Variants in SLC24A4 observed in about 807,000 individuals in gnomAD.
The protein encoded by SLC24A4 is solute carrier family 24 member 4.
SLC24A4 carries 53 observed loss-of-function variants against 79.0 expected under a neutral mutation model. The ratio of observed to expected loss-of-function variants is 0.67; its 90% CI spans 0.54 to 0.84. SLC24A4 has a LOEUF of 0.84. Among genes scored for constraint, SLC24A4 ranks in the 40% least tolerant of loss-of-function variants. The pLI is 0.00. For missense variants in SLC24A4, 731 were observed against 822.0 expected (o/e 0.89, Z 1.35); for synonymous variants, 323 against 323.8 (o/e 1.00, Z 0.03).
chr14:92,423,818 G>A (rs1194122898), intron 2 of SLC24A4, among the ~76,000 whole-genome samples: 1 of 152,198 alleles, frequency 6.6e-6, no homozygotes, highest in Non-Finnish European at 1.5e-5. Context: ...TGGAAGCAGG[G>A]CATTGTGTGC....
chr14:92,360,678 A>G (rs1212331566), intron 2 of SLC24A4, among the ~76,000 whole-genome samples: 1 of 152,348 alleles, frequency 6.6e-6, no homozygotes, highest in South Asian at 2.1e-4. Flanking sequence ...AAACATTTGT[A>G]TCAATTTACA....
At chr14:92,395,803 T>C (rs112948731) in intron 2 of SLC24A4, among the ~76,000 whole-genome samples, 32 of 152,122 alleles carry the variant, frequency 2.1e-4, no homozygotes, top group African/African-American at 7.5e-4. Context: ...ATGAGATGGT[T>C]ATGGTTTTCA....
At chr14:92,472,024 C>G (rs1427329991) in intron 12 of SLC24A4, among the ~76,000 whole-genome samples, 1 of 152,186 alleles carries the variant, frequency 6.6e-6, no homozygotes, top group Non-Finnish European at 1.5e-5. Context: ...GAGAAACTGC[C>G]CTTCCCAGGG....
chr14:92,407,447 T>TA (rs1890452402), intron 2 of SLC24A4, among the ~76,000 whole-genome samples: 1 of 152,228 alleles, frequency 6.6e-6, no homozygotes, highest in African/African-American at 2.4e-5. Flanking sequence ...TGATGCCAAT[T>TA]TTCTGTATTA....
At chr14:92,354,192 A>G (rs1595154379) in intron 2 of SLC24A4, among the ~76,000 whole-genome samples, 1 of 144,882 alleles carries the variant, frequency 6.9e-6, no homozygotes. Flanking sequence ...TTTGAGATGG[A>G]GTCTCACTCT....
Position 92,493,490 on chromosome 14 carries a change from C to T in SLC24A4, c.1731C>T (p.His577=). 2 of 1,614,230 alleles carry T rather than the reference C, an allele frequency of 1.2e-6. No individual in the cohort carries two copies. The highest frequency in any genetic ancestry group is 1.7e-6 in the Non-Finnish European group (2 of 1,180,032). The change falls in exon 17 of 17, where the codon CAC becomes CAT. Residue 577 remains histidine (H), a synonymous_variant. Coordinates refer to ENST00000532405, the MANE Select transcript of SLC24A4 (RefSeq NM_153646.4). ...GSVALTVLGI[H]LNKWRLDRKL... ...TGTCCTCCCAGGTCCTCGGCATCCA[C>T]CTAAACAAGTGGCGACTGGACCGGA...
At chr14:92,367,248 C>T (rs8012922) in intron 2 of SLC24A4, among the ~76,000 whole-genome samples, 129,726 of 152,184 alleles carry the variant, frequency 0.85, 59,135 homozygotes, top group East Asian at 1. Context: ...GGCTAGAGAC[C>T]GGGGCTTATG....
At chr14:92,372,234 C>T (rs1237617114) in intron 2 of SLC24A4, among the ~76,000 whole-genome samples, 3 of 152,194 alleles carry the variant, frequency 2.0e-5, no homozygotes, top group African/African-American at 7.2e-5. Flanking sequence ...TTTCTCCCAG[C>T]CCCTGGGACC....
intron 3 of SLC24A4, among the ~76,000 whole-genome samples, chr14:92,438,393 C>T (rs954519692): frequency 1.3e-5 from 2 of 152,088 alleles, no homozygotes; most frequent in African/African-American, 4.8e-5. Flanking sequence ...CACTTGAGTC[C>T]AGGAGTTCAA....
At chr14:92,439,291 C>A in intron 3 of SLC24A4, 44 bp from the exon 4 acceptor site, 1 of 1,547,630 alleles carries the variant, frequency 6.5e-7, no homozygotes, top group African/African-American at 1.4e-5. Flanking sequence ...GCAGCTGCAG[C>A]AGGGACCCTC....
At chr14:92,486,807 G>A (rs775155442) in intron 14 of SLC24A4, 27 bp downstream of exon 14, 3 of 1,544,050 alleles carry the variant, frequency 1.9e-6, no homozygotes, top group Non-Finnish European at 8.9e-7. Context: ...AGCCCTCATA[G>A]TCATGCAGTG....
intron 12 of SLC24A4, among the ~76,000 whole-genome samples, chr14:92,468,070 A>G (rs559255803): frequency 6.9e-4 from 105 of 152,320 alleles, no homozygotes; most frequent in African/African-American, 2.5e-3. Context: ...GATTTAATAA[A>G]CATGCAGCAT....
chr14:92,327,164 G>A (rs1232595725), intron 2 of SLC24A4, among the ~76,000 whole-genome samples: 1 of 152,204 alleles, frequency 6.6e-6, no homozygotes, highest in African/African-American at 2.4e-5. Context: ...GTGCTTAGGT[G>A]GGGGTGACCT....
chr14:92,458,919 C>T lies in SLC24A4; in HGVS notation c.1255+2311C>T, dbSNP rs902389428. 6.6e-5 allele frequency among the ~76,000 whole-genome samples: 10 copies of T among 152,192 alleles called. No homozygotes were observed. In the South Asian group the frequency reaches 1.0e-3, roughly 16 times the overall value. ...ATGCAACCACAGTCCAGGAAACAGC[C>T]GAGCTTATGAGGGGTGGGGCGAGGA... is the stretch of plus-strand genomic sequence containing the variant. On this transcript the variant is annotated intron_variant, in intron 12 of 16. Transcript: ENST00000532405.
intron 2 of SLC24A4, among the ~76,000 whole-genome samples, chr14:92,341,475 T>C (rs959737571): frequency 6.6e-6 from 1 of 152,102 alleles, no homozygotes; most frequent in African/African-American, 2.4e-5. Context: ...ATGGAGTAGA[T>C]AGAATGACTT....
intron 2 of SLC24A4, among the ~76,000 whole-genome samples, chr14:92,357,357 T>C (rs12882378): frequency 0.55 from 83,835 of 152,112 alleles, 26,415 homozygotes; most frequent in East Asian, 0.78. Flanking sequence ...AGGAAGAATA[T>C]ATGTTGCATT....
intron 2 of SLC24A4, among the ~76,000 whole-genome samples, chr14:92,347,594 T>C (rs902922343): frequency 6.6e-6 from 1 of 152,262 alleles, no homozygotes; most frequent in Non-Finnish European, 1.5e-5. Context: ...TTCAACCTTT[T>C]ACTCTGATCT....
rs747957961 is a variant in SLC24A4 at position 92,492,231 on chromosome 14, C to G, written c.1707C>G (p.Val569=). The G allele has an allele frequency of 5.6e-6, 9 of 1,613,902 alleles. No homozygotes were observed. The East Asian group carries it at 1.8e-4, about 32-fold the overall frequency. Residue 569 remains valine, a synonymous_variant, in exon 16 of 17, where the codon GTC becomes GTG. Coordinates refer to ENST00000532405, the MANE Select transcript of SLC24A4 (RefSeq NM_153646.4). The part of the protein sequence containing the change: ...VYSVVLLLGS[V]ALTVLGIHLN... ...CCGTGGTCCTGTTGCTGGGCTCTGT[C>G]GCTCTCACCGTGAGTCTTTACAATT...
chr14:92,457,939 G>A (rs1167850116), intron 12 of SLC24A4, among the ~76,000 whole-genome samples: 1 of 152,216 alleles, frequency 6.6e-6, no homozygotes, highest in Admixed American at 6.5e-5. Flanking sequence ...AGGTGGCGTG[G>A]GCCTGGCAGG....
Sources: allele counts gnomAD v4.1 joint callset (sites outside exome capture counted in the v4.1 genomes callset), GRCh38; gene constraint gnomAD v4.1.1; transcripts MANE v1.5; gene names NCBI Gene and HGNC (gene_info 2026-07-23, HGNC 2026-07-21).